Variants in NAV1 observed in about 807,000 individuals in gnomAD.
NAV1 encodes neuron navigator 1.
A neutral mutation model predicts 175.2 loss-of-function variants in NAV1; 18 were observed. The ratio of observed to expected loss-of-function variants is 0.10; its 90% CI spans 0.07 to 0.15. The LOEUF is 0.15. NAV1 is among the 10% of genes least tolerant of loss of function. The pLI, the probability that NAV1 is intolerant of heterozygous loss-of-function variation, is 1.00. For synonymous variants in NAV1, 897 were observed against 978.7 expected (o/e 0.92, Z 1.56); for missense variants, 1,731 against 2,436.6 (o/e 0.71, Z 6.10).
chr1:201,731,427 T>C (rs1672855560), intron 3 of NAV1, among the ~76,000 whole-genome samples: 1 of 152,024 alleles, frequency 6.6e-6, no homozygotes, highest in Non-Finnish European at 1.5e-5. Context: ...AGAGTGACCT[T>C]GTGCTCAGCC....
chr1:201,721,274 C>G (rs1001421727), intron 3 of NAV1, among the ~76,000 whole-genome samples: 1 of 152,222 alleles, frequency 6.6e-6, no homozygotes, highest in Non-Finnish European at 1.5e-5. Context: ...TTATGGTCAA[C>G]CTTCAGTTAG....
intron 3 of NAV1, among the ~76,000 whole-genome samples, chr1:201,769,185 A>T (rs1675402952): frequency 6.6e-6 from 1 of 152,226 alleles, no homozygotes; most frequent in Non-Finnish European, 1.5e-5. Flanking sequence ...CCATCTAATG[A>T]CAGCCTTATC....
At chr1:201,545,526 A>G (rs1402063959) in intron 1 of NAV1, among the ~76,000 whole-genome samples, 1 of 152,120 alleles carries the variant, frequency 6.6e-6, no homozygotes, top group African/African-American at 2.4e-5. Context: ...TCTGCCTCCC[A>G]AAGTGTTGAG....
At chr1:201,790,140 G>C (rs1453203070) in intron 11 of NAV1, among the ~76,000 whole-genome samples, 1 of 152,142 alleles carries the variant, frequency 6.6e-6, no homozygotes, top group Non-Finnish European at 1.5e-5. Flanking sequence ...TCTAGGACCC[G>C]GACTCCAGAA....
chr1:201,602,497 G>A (rs1321146851), intron 2 of NAV1, among the ~76,000 whole-genome samples: 2 of 151,960 alleles, frequency 1.3e-5, no homozygotes, highest in African/African-American at 4.8e-5. Context: ...TGTGCCACCA[G>A]GCTGGCTAAT....
upstream of NAV1, among the ~76,000 whole-genome samples, chr1:201,643,767 C>G (rs1244638892): frequency 6.6e-6 from 1 of 152,180 alleles, no homozygotes; most frequent in East Asian, 1.9e-4. Context: ...ACCCTCTCCT[C>G]TCTTTGGCTC....
At chr1:201,639,681 G>A (rs1221938373) in intron 2 of NAV1, among the ~76,000 whole-genome samples, 1 of 152,074 alleles carries the variant, frequency 6.6e-6, no homozygotes, top group Non-Finnish European at 1.5e-5. Context: ...TCCCACGTCT[G>A]GAACAGGCCC....
Position 201,788,388 on chromosome 1 carries a change from G to A in NAV1, c.2996-80G>A. The A allele has an allele frequency of 6.7e-7, 1 of 1,497,890 alleles. No homozygotes were observed. The highest frequency in any genetic ancestry group is 9.2e-7 in the Non-Finnish European group (1 of 1,083,638). The allele number at this position is 1,497,890 out of a possible 1,614,324, so 92.8% of individuals were successfully genotyped here. A position where few individuals can be genotyped will look rare whatever the true frequency, so the allele number is the denominator to read the frequency against. ...ATGCTCCCGGTGCTCCATCCCCCAAGGGCCCGGAGAGCTGATGACCCTGCC... is the reference window on the plus strand; with the variant it reads ...ATGCTCCCGGTGCTCCATCCCCCAAAGGCCCGGAGAGCTGATGACCCTGCC... On this transcript the variant is annotated intron_variant, in intron 9 of 29. Coordinates refer to ENST00000367296, the Ensembl canonical transcript of NAV1. This position sits in a 1 kb window ranked among gnomAD's most constrained non-coding sequence, Gnocchi z 5.7.
At position 201,749,834 on chromosome 1, in the gene NAV1, G is replaced by A. The variant is rs574475849; in HGVS notation, c.1227-30587G>A. 4.6e-5 allele frequency among the ~76,000 whole-genome samples: 7 copies of A among 152,256 alleles called. No homozygotes were observed. The East Asian group carries it at 9.7e-4, about 21-fold the overall frequency. On this transcript the variant is annotated intron_variant, in intron 3 of 29. Transcript: ENST00000367296. ...GAGGATCACTTGAGCCTAGGACGTC[G>A]AGGCTGCTGCATTGAGCCATGTTCA... is the stretch of plus-strand genomic sequence containing the variant.
At chr1:201,721,891 C>T (rs1401902539) in intron 3 of NAV1, among the ~76,000 whole-genome samples, 1 of 152,160 alleles carries the variant, frequency 6.6e-6, no homozygotes, top group African/African-American at 2.4e-5. Context: ...CGGCTCTTCC[C>T]AAGCCCCTGT....
rs547191492 is a variant in NAV1 at position 201,809,578 on chromosome 1, C to T, written c.4401+41C>T. 100 of 1,568,300 alleles carry T rather than the reference C, an allele frequency of 6.4e-5. 1 individual carries two copies. In the South Asian group the frequency reaches 9.1e-4, roughly 14 times the overall value. ...TACTCAAAAAGGTTGTTCATCCTCT[C>T]GTGGAATATATATACTTTTTTAGAG... On this transcript the variant is annotated intron_variant, in intron 22 of 29. Coordinates refer to ENST00000367296, the Ensembl canonical transcript of NAV1.
At chr1:201,613,605 G>A (rs1667915354) in intron 2 of NAV1, among the ~76,000 whole-genome samples, 1 of 152,186 alleles carries the variant, frequency 6.6e-6, no homozygotes, top group South Asian at 2.1e-4. Context: ...GCTCATGCCT[G>A]TAATCCCAGC....
exon 1 of NAV1, chr1:201,623,475 G>A (rs1668236645): frequency 5.1e-6 from 5 of 985,916 alleles, no homozygotes; most frequent in Admixed American, 6.1e-5. Flanking sequence ...GGGCAGCTTC[G>A]TGGGCTTCCT....
At chr1:201,670,478 G>A (rs769799866) in intron 1 of NAV1, among the ~76,000 whole-genome samples, 17 of 152,042 alleles carry the variant, frequency 1.1e-4, no homozygotes, top group Admixed American at 2.6e-4. Context: ...GAAAGATGGA[G>A]GAGCAACTAG....
At chr1:201,626,107 G>A (rs1353625194) in intron 1 of NAV1, among the ~76,000 whole-genome samples, 4 of 152,190 alleles carry the variant, frequency 2.6e-5, no homozygotes, top group Admixed American at 6.5e-5. Context: ...AGGACACTCC[G>A]AGATGCTGCA....
chr1:201,580,929 C>T (rs531745827), intron 1 of NAV1, among the ~76,000 whole-genome samples: 35 of 151,922 alleles, frequency 2.3e-4, no homozygotes, highest in Non-Finnish European at 5.9e-5. Context: ...TGGATGGACA[C>T]GATGGTAAAG....
At chr1:201,558,586 G>A (rs766735592) in intron 1 of NAV1, among the ~76,000 whole-genome samples, 2 of 152,140 alleles carry the variant, frequency 1.3e-5, no homozygotes, top group Non-Finnish European at 2.9e-5. Flanking sequence ...CTGAGTAGCT[G>A]GGATTACAGG....
At chr1:201,781,308 A>T (rs1676308993) in exon 5 of NAV1, 3 of 1,604,302 alleles carry the variant, frequency 1.9e-6, no homozygotes, top group Non-Finnish European at 2.6e-6. Context: ...TCAAAGTCGC[A>T]GGTGAGCCTG....
intron 3 of NAV1, among the ~76,000 whole-genome samples, chr1:201,762,907 G>T (rs1674952393): frequency 1.3e-5 from 2 of 152,080 alleles, no homozygotes; most frequent in Non-Finnish European, 2.9e-5. Context: ...ATTATCTCAT[G>T]AAATTTAAAA....
Sources: allele counts gnomAD v4.1 joint callset (sites outside exome capture counted in the v4.1 genomes callset), GRCh38; gene constraint gnomAD v4.1.1; non-coding constraint Gnocchi (gnomAD v3.1); transcripts MANE v1.5; gene names NCBI Gene and HGNC (gene_info 2026-07-23, HGNC 2026-07-21).